Variants in CLMP observed in about 807,000 individuals in gnomAD.
The protein encoded by CLMP is CXADR like cell adhesion molecule.
A neutral mutation model predicts 45.2 loss-of-function variants in CLMP; 27 were observed. That is an observed-to-expected ratio of 0.60 (90% CI 0.44 to 0.82). The LOEUF (loss-of-function observed/expected upper bound fraction) is 0.82. CLMP is among the 40% of genes least tolerant of loss of function. The pLI, the probability that CLMP is intolerant of heterozygous loss-of-function variation, is 0.00. For missense variants in CLMP, 403 were observed against 448.4 expected (o/e 0.90, Z 0.91); for synonymous variants, 167 against 171.4 (o/e 0.97, Z 0.20).
At chr11:123,095,907 G>C (rs1865982860) in intron 2 of CLMP, among the ~76,000 whole-genome samples, 1 of 152,198 alleles carries the variant, frequency 6.6e-6, no homozygotes, top group Admixed American at 6.5e-5. Flanking sequence ...GCTCTAGTCA[G>C]AAAGACCGCA....
At chr11:123,170,723 G>A (rs959591460) in intron 1 of CLMP, among the ~76,000 whole-genome samples, 12 of 152,142 alleles carry the variant, frequency 7.9e-5, no homozygotes, top group Admixed American at 2.0e-4. Context: ...TTACAGGCGT[G>A]AGCCACCACG....
intron 2 of CLMP, among the ~76,000 whole-genome samples, chr11:123,094,753 T>C (rs1865970637): frequency 1.3e-5 from 2 of 152,102 alleles, no homozygotes; most frequent in Admixed American, 1.3e-4. Context: ...GGCATATTTA[T>C]TGGTTTCTTT....
chr11:123,100,987 G>C (rs961447206), intron 1 of CLMP, among the ~76,000 whole-genome samples: 5 of 151,926 alleles, frequency 3.3e-5, no homozygotes, highest in Admixed American at 2.0e-4. Context: ...AATACCTTGG[G>C]GAACAAGTGG....
chr11:123,078,566 C>T (rs978652215), intron 5 of CLMP, among the ~76,000 whole-genome samples: 2 of 152,022 alleles, frequency 1.3e-5, no homozygotes, highest in Non-Finnish European at 2.9e-5. Context: ...CCTACCTCAG[C>T]CTCCCGAGTA....
chr11:123,124,255 A>T (rs1455600339), intron 1 of CLMP, among the ~76,000 whole-genome samples: 2 of 152,000 alleles, frequency 1.3e-5, no homozygotes, highest in Non-Finnish European at 2.9e-5. Flanking sequence ...GCCTCAAGTG[A>T]TCCTCTTGCT....
chr11:123,182,743 T>C (rs1270206567), intron 1 of CLMP, among the ~76,000 whole-genome samples: 1 of 152,142 alleles, frequency 6.6e-6, no homozygotes, highest in Non-Finnish European at 1.5e-5. Context: ...GGCCAGTGAA[T>C]CCAGAAAACT....
At chr11:123,081,099 G>A (rs1379662863) in intron 5 of CLMP, among the ~76,000 whole-genome samples, 4 of 151,984 alleles carry the variant, frequency 2.6e-5, no homozygotes, top group Non-Finnish European at 5.9e-5. Flanking sequence ...GTGGCAATGA[G>A]CCAAGACCAC....
At chr11:123,194,687 G>A (rs974381105) in intron 1 of CLMP, among the ~76,000 whole-genome samples, 8 of 152,184 alleles carry the variant, frequency 5.3e-5, no homozygotes, top group African/African-American at 1.9e-4. Context: ...ACATCAAACG[G>A]TTCCCCAAGC....
chr11:123,180,657 G>A (rs995870407), intron 1 of CLMP, among the ~76,000 whole-genome samples: 1 of 151,842 alleles, frequency 6.6e-6, no homozygotes, highest in Non-Finnish European at 1.5e-5. Context: ...ACAAGGCAAA[G>A]TGATAGTGAC....
intron 1 of CLMP, among the ~76,000 whole-genome samples, chr11:123,171,221 T>C (rs1164679190): frequency 6.6e-6 from 1 of 152,148 alleles, no homozygotes; most frequent in Non-Finnish European, 1.5e-5. Flanking sequence ...TGAAAGGGTC[T>C]GGCCTGTGTG....
At chr11:123,104,578 G>T (rs1860508327) in intron 1 of CLMP, among the ~76,000 whole-genome samples, 2 of 151,652 alleles carry the variant, frequency 1.3e-5, no homozygotes, top group Non-Finnish European at 2.9e-5. Context: ...TAGAGACGGG[G>T]TTTCACCATG....
chr11:123,074,959 G>GT (rs113357442), intron 5 of CLMP, 116 bp from the exon 6 acceptor site: 192,730 of 895,838 alleles, frequency 0.22, 14 homozygotes, highest in Non-Finnish European at 0.23. Flanking sequence ...TGTTTGTTTT[G>GT]TTTTTTTTTT....
chr11:123,151,429 T>C (rs528044441), intron 1 of CLMP, among the ~76,000 whole-genome samples: 20 of 152,364 alleles, frequency 1.3e-4, no homozygotes, highest in African/African-American at 4.6e-4. Flanking sequence ...TCTTAGCCTC[T>C]GCTATTTATG....
At chr11:123,163,239 T>C (rs112059490) in intron 1 of CLMP, among the ~76,000 whole-genome samples, 8 of 152,134 alleles carry the variant, frequency 5.3e-5, no homozygotes, top group African/African-American at 1.9e-4. Flanking sequence ...TTCACTTCAG[T>C]TGGAGAAATT....
chr11:123,167,486 T>C (rs551771459), intron 1 of CLMP, among the ~76,000 whole-genome samples: 53 of 152,174 alleles, frequency 3.5e-4, no homozygotes, highest in East Asian at 1.6e-3. Flanking sequence ...GGGGTTTCAC[T>C]GTGTTAACCA....
rs749127591 is a variant in CLMP at position 123,084,659 on chromosome 11, C to G, written c.241G>C (p.Gly81Arg). Residue 81 changes from glycine to arginine, a missense_variant, in exon 3 of 7, where the codon GGC becomes CGC. Coordinates refer to ENST00000448775, the MANE Select transcript of CLMP (RefSeq NM_024769.5). ...VYNNLTEEQK[G>R]RVAFASNFLA... ...AAATTGGAAGCAAAGGCCACTCGGCCCTTCTGTTCCTCAGTCAAGTTATTG... is the reference window on the plus strand; with the variant it reads ...AAATTGGAAGCAAAGGCCACTCGGCGCTTCTGTTCCTCAGTCAAGTTATTG... 1 of 1,614,110 alleles carries G rather than the reference C, an allele frequency of 6.2e-7. No individual in the cohort carries two copies. Among genetic ancestry groups the G allele is most frequent in the Non-Finnish European group, 8.5e-7 (1 of 1,179,976 alleles).
chr11:123,158,355 CCTGGAGAAGG>C (rs1314020298), intron 1 of CLMP, among the ~76,000 whole-genome samples: 1 of 152,202 alleles, frequency 6.6e-6, no homozygotes, highest in African/African-American at 2.4e-5. Flanking sequence ...ATGCTTCTCT[CCTGGAGAAGG>C]CTGTTTAATG....
intron 1 of CLMP, among the ~76,000 whole-genome samples, chr11:123,101,905 C>T (rs1866066480): frequency 6.6e-6 from 1 of 152,142 alleles, no homozygotes; most frequent in Non-Finnish European, 1.5e-5. Flanking sequence ...ACTTCCAGGC[C>T]GGGTGCGGTG....
At chr11:123,192,509 C>T (rs1380976206) in intron 1 of CLMP, among the ~76,000 whole-genome samples, 2 of 152,092 alleles carry the variant, frequency 1.3e-5, no homozygotes, top group Admixed American at 6.5e-5. Context: ...AGGACAGGAA[C>T]GTGGCAGCTA....
Sources: allele counts gnomAD v4.1 joint callset (sites outside exome capture counted in the v4.1 genomes callset), GRCh38; gene constraint gnomAD v4.1.1; transcripts MANE v1.5; gene names NCBI Gene and HGNC (gene_info 2026-07-23, HGNC 2026-07-21).